SGCZ: variants seen among roughly 807,000 people sequenced by gnomAD.
The protein encoded by SGCZ is zeta-sarcoglycan.
In SGCZ, 40 loss-of-function variants were observed where a neutral mutation model predicts 41.3. The ratio of observed to expected loss-of-function variants is 0.97; its 90% CI spans 0.75 to 1.26. The LOEUF (loss-of-function observed/expected upper bound fraction) is 1.26. SGCZ is among the 50% of genes most tolerant of loss of function. The pLI is 0.00. For missense variants in SGCZ, 552 were observed against 369.8 expected, an observed-to-expected ratio of 1.49 and a Z score of -4.04; for synonymous variants, 206 against 137.5, an observed-to-expected ratio of 1.50 and a Z score of -3.49.
chr8:14,392,006 A>G (rs1804793454), intron 2 of SGCZ, among the ~76,000 whole-genome samples: 1 of 152,088 alleles, frequency 6.6e-6, no homozygotes, highest in East Asian at 1.9e-4. Flanking sequence ...ATCTCCAGCA[A>G]TGGGGATTAC....
intron 1 of SGCZ, among the ~76,000 whole-genome samples, chr8:14,921,119 G>A (rs1382540648): frequency 6.6e-6 from 1 of 152,168 alleles, no homozygotes; most frequent in Non-Finnish European, 1.5e-5. Context: ...TGGAGTGGTT[G>A]AGGACTGTTG....
chr8:14,366,456 C>T (rs1320981930), intron 2 of SGCZ, among the ~76,000 whole-genome samples: 5 of 152,158 alleles, frequency 3.3e-5, no homozygotes, highest in Non-Finnish European at 2.9e-5. Flanking sequence ...CCAACCAGGT[C>T]TCTTTCTAAA....
intron 1 of SGCZ, among the ~76,000 whole-genome samples, chr8:15,171,727 G>C (rs1226008088): frequency 1.3e-5 from 2 of 152,140 alleles, no homozygotes; most frequent in Non-Finnish European, 1.5e-5. Flanking sequence ...TGGATATCAA[G>C]CCTGTTGTAG....
intron 1 of SGCZ, among the ~76,000 whole-genome samples, chr8:14,637,504 T>C (rs1806872372): frequency 6.6e-6 from 1 of 151,762 alleles, no homozygotes; most frequent in East Asian, 1.9e-4. Context: ...CCAGTATCTA[T>C]TGTTCCCATC....
At chr8:14,293,151 T>G (rs866808407) in intron 3 of SGCZ, among the ~76,000 whole-genome samples, 1 of 151,806 alleles carries the variant, frequency 6.6e-6, no homozygotes, top group Non-Finnish European at 1.5e-5. Flanking sequence ...GGAAAGACAT[T>G]TAAAGAAAAT....
At chr8:14,471,734 C>T (rs1020836148) in intron 2 of SGCZ, among the ~76,000 whole-genome samples, 4 of 151,796 alleles carry the variant, frequency 2.6e-5, no homozygotes, top group Non-Finnish European at 5.9e-5. Context: ...ATTTCCGTGC[C>T]CATTTAACAG....
At position 14,532,337 on chromosome 8, in the gene SGCZ, GT is replaced by G. The variant is rs545678758; in HGVS notation, c.234+22394del. ...TCCAGTAAAGCTGAATGGAGTCTTG[GT>G]AAAGCTAACTAGTGGTCTTTAGCAG... is the stretch of plus-strand genomic sequence containing the variant. On this transcript the variant is annotated intron_variant, in intron 2 of 7. Coordinates refer to ENST00000382080, the MANE Select transcript of SGCZ (RefSeq NM_139167.4). Among the ~76,000 whole-genome samples the G allele has an allele frequency of 1.8e-3, 278 of 152,166 alleles. 1 individual carries two copies. Among genetic ancestry groups the G allele is most frequent in the Middle Eastern group, 3.4e-3 (1 of 294 alleles).
intron 1 of SGCZ, among the ~76,000 whole-genome samples, chr8:14,599,879 C>T (rs1805531845): frequency 6.6e-6 from 1 of 152,256 alleles, no homozygotes; most frequent in Non-Finnish European, 1.5e-5. Flanking sequence ...ACACTCTTTA[C>T]ATTATCTTCA....
chr8:14,266,153 A>T (rs558744169), intron 3 of SGCZ, among the ~76,000 whole-genome samples: 1 of 152,236 alleles, frequency 6.6e-6, no homozygotes, highest in East Asian at 1.9e-4. Context: ...CTCAATCCCA[A>T]TAAGTCTGTC....
chr8:15,052,405 G>A (rs1222641928), intron 1 of SGCZ, among the ~76,000 whole-genome samples: 1 of 152,190 alleles, frequency 6.6e-6, no homozygotes, highest in African/African-American at 2.4e-5. Context: ...AGGGTGGTGG[G>A]TGGACTGAGT....
intron 2 of SGCZ, among the ~76,000 whole-genome samples, chr8:14,334,114 T>C (rs1371803597): frequency 6.6e-6 from 1 of 152,050 alleles, no homozygotes; most frequent in Non-Finnish European, 1.5e-5. Context: ...GAATCACCTC[T>C]TGACTTGAAC....
chr8:15,075,616 G>C (rs1805502154), intron 1 of SGCZ, among the ~76,000 whole-genome samples: 1 of 152,054 alleles, frequency 6.6e-6, no homozygotes, highest in African/African-American at 2.4e-5. Flanking sequence ...CTAGAAATTT[G>C]CCCAAGAGAG....
At chr8:14,413,511 T>G (rs1799416269) in intron 2 of SGCZ, among the ~76,000 whole-genome samples, 1 of 152,042 alleles carries the variant, frequency 6.6e-6, no homozygotes, top group Non-Finnish European at 1.5e-5. Flanking sequence ...AATAATCTTA[T>G]ACAAGCTAAA....
chr8:15,151,685 A>G (rs1799183801), intron 1 of SGCZ, among the ~76,000 whole-genome samples: 1 of 152,234 alleles, frequency 6.6e-6, no homozygotes, highest in Admixed American at 6.5e-5. Flanking sequence ...AGCCAACTAT[A>G]TAATGACACA....
At chr8:14,834,341 T>G (rs1232364417) in intron 1 of SGCZ, among the ~76,000 whole-genome samples, 1 of 152,218 alleles carries the variant, frequency 6.6e-6, no homozygotes. Flanking sequence ...CAAAAATTAT[T>G]TTGGTAATTC....
chr8:14,730,607 T>G (rs73529273), intron 1 of SGCZ, among the ~76,000 whole-genome samples: 10,436 of 149,262 alleles, frequency 0.07, 934 homozygotes, highest in African/African-American at 0.2. Context: ...AACATCAGGT[T>G]CTGCTTGAAG....
At chr8:14,277,526 T>C (rs1450191580) in intron 3 of SGCZ, among the ~76,000 whole-genome samples, 1 of 152,178 alleles carries the variant, frequency 6.6e-6, no homozygotes, top group Non-Finnish European at 1.5e-5. Context: ...AAGGGTAACC[T>C]TTTTATTGTA....
intron 1 of SGCZ, among the ~76,000 whole-genome samples, chr8:15,115,971 A>G (rs1400174625): frequency 6.6e-6 from 1 of 152,216 alleles, no homozygotes; most frequent in Non-Finnish European, 1.5e-5. Context: ...AAAGTATTTT[A>G]GGTTTCACAA....
chr8:14,861,203 G>C (rs1354664267), intron 1 of SGCZ, among the ~76,000 whole-genome samples: 2 of 152,144 alleles, frequency 1.3e-5, no homozygotes, highest in Non-Finnish European at 2.9e-5. Flanking sequence ...AAATGACCAA[G>C]AAAGACTGTC....
Sources: gnomAD v4.1 joint callset for allele counts (sites outside exome capture counted in the v4.1 genomes callset) on GRCh38, gnomAD v4.1.1 for gene constraint, MANE v1.5 for transcripts, NCBI Gene and HGNC (gene_info 2026-07-23, HGNC 2026-07-21) for gene names.